ADGRV1: variants seen among roughly 807,000 people sequenced by gnomAD.
The protein encoded by ADGRV1 is G-protein coupled receptor 98.
ADGRV1 carries 359 observed loss-of-function variants against 596.2 expected under a neutral mutation model. That is an observed-to-expected ratio of 0.60 (90% CI 0.55 to 0.66). The LOEUF is 0.66. Ranked by LOEUF, ADGRV1 falls within the 30% of genes least tolerant of loss-of-function variation. The probability of loss-of-function intolerance (pLI) is 0.00; values close to 1 mark genes in which losing one functional copy is unlikely to be tolerated. For synonymous variants in ADGRV1, 2,681 were observed against 2,679.2 expected, an observed-to-expected ratio of 1.00 and a Z score of -0.02; for missense variants, 7,274 against 7,575.6, an observed-to-expected ratio of 0.96 and a Z score of 1.48.
intron 79 of ADGRV1, among the ~76,000 whole-genome samples, chr5:90,850,210 C>T (rs1333185530): frequency 6.6e-6 from 1 of 152,140 alleles, no homozygotes; most frequent in African/African-American, 2.4e-5. Flanking sequence ...ATACTTTCAT[C>T]CCAGATCAGT....
intron 87 of ADGRV1, among the ~76,000 whole-genome samples, chr5:91,117,567 G>A (rs946885181): frequency 3.3e-5 from 5 of 152,112 alleles, no homozygotes; most frequent in African/African-American, 4.8e-5. Context: ...CATATGAGCA[G>A]GGATTCTATA....
At chr5:91,093,455 C>A (rs919398638) in intron 86 of ADGRV1, among the ~76,000 whole-genome samples, 3 of 152,350 alleles carry the variant, frequency 2.0e-5, no homozygotes, top group Middle Eastern at 6.8e-3. Context: ...CAGTAAAAAG[C>A]AGGGTCATAT....
chr5:90,725,610 A>G lies in ADGRV1; in HGVS notation c.10115A>G (p.Asp3372Gly). 1 of 1,591,076 alleles carries G rather than the reference A, an allele frequency of 6.3e-7. No individual in the cohort carries two copies. Among genetic ancestry groups the G allele is most frequent in the Non-Finnish European group, 8.6e-7 (1 of 1,159,900 alleles). Residue 3372 changes from aspartate (D) to glycine (G), a missense_variant, in exon 48 of 90, where the codon GAT (aspartate) becomes GGT (glycine). Coordinates refer to ENST00000405460, the MANE Select transcript of ADGRV1 (RefSeq NM_032119.4). ...QVRYFTSDSQ[D>G]YLIIASQRDD... The stretch of plus-strand genomic sequence containing the variant: ...AGATATTTTACTTCAGACAGCCAAG[A>G]TTATTTAATCATTGCAAGTCAAAGA...
chr5:90,891,639 T>C (rs1441313787), intron 83 of ADGRV1, among the ~76,000 whole-genome samples: 1 of 152,048 alleles, frequency 6.6e-6, no homozygotes, highest in East Asian at 1.9e-4. Flanking sequence ...ATATTTAAAA[T>C]GTTTTACTAC....
In ADGRV1 at chr5:90,985,518, G is replaced by T. The variant is rs1293894508; in HGVS notation, c.18148G>T (p.Asp6050Tyr). 6.2e-7 allele frequency: 1 copy of T among 1,612,746 alleles called. No individual in the cohort carries two copies. Among genetic ancestry groups the T allele is most frequent in the African/African-American group, 1.3e-5 (1 of 74,996 alleles). The change falls in exon 85 of 90, where the codon GAC becomes TAC. Residue 6050 changes from aspartate to tyrosine, a missense_variant. Asp to Tyr is a radical substitution (Grantham distance 160, BLOSUM62 -3). Transcript: ENST00000405460. ...ACAGATCTATGGACTCATTCATGGT[G>T]ACCTGTAAGTACACCCAGGCAACAC... ...MSQIYGLIHG[D>Y]LCFIPNVYAA...
chr5:91,069,395 C>T (rs996355221), intron 85 of ADGRV1, among the ~76,000 whole-genome samples: 1 of 152,060 alleles, frequency 6.6e-6, no homozygotes. Flanking sequence ...GTATGAGGAA[C>T]GTATACAATT....
intron 50 of ADGRV1, among the ~76,000 whole-genome samples, chr5:90,732,944 G>A (rs1752741608): frequency 6.6e-6 from 1 of 152,226 alleles, no homozygotes; most frequent in Admixed American, 6.5e-5. Flanking sequence ...CAGCAGTAGT[G>A]AGATAGAGAA....
intron 83 of ADGRV1, among the ~76,000 whole-genome samples, chr5:90,877,109 A>C (rs1027485110): frequency 6.6e-6 from 1 of 152,222 alleles, no homozygotes; most frequent in African/African-American, 2.4e-5. Context: ...TATAGCAATA[A>C]AAATGCTTAG....
chr5:90,955,443 A>G (rs1202724007), intron 83 of ADGRV1, among the ~76,000 whole-genome samples: 2 of 152,168 alleles, frequency 1.3e-5, no homozygotes, highest in Non-Finnish European at 2.9e-5. Flanking sequence ...CAAACATCCC[A>G]GGCCTTCTCA....
At chr5:90,938,171 C>A (rs896489155) in intron 83 of ADGRV1, among the ~76,000 whole-genome samples, 1 of 152,006 alleles carries the variant, frequency 6.6e-6, no homozygotes, top group African/African-American at 2.4e-5. Flanking sequence ...CTGAGAGTCC[C>A]AAACAGCCTG....
At chr5:91,001,801 G>A (rs1455398697) in intron 85 of ADGRV1, among the ~76,000 whole-genome samples, 3 of 151,782 alleles carry the variant, frequency 2.0e-5, no homozygotes, top group Admixed American at 2.0e-4. Context: ...TTTTTTTCCT[G>A]AATATCAATT....
At chr5:91,068,716 A>G (rs1240531170) in intron 85 of ADGRV1, among the ~76,000 whole-genome samples, 2 of 152,136 alleles carry the variant, frequency 1.3e-5, no homozygotes, top group African/African-American at 4.8e-5. Context: ...TACCCAAAGC[A>G]ATCTACAGAG....
chr5:90,755,220 A>AGAGGAAAATTCTCTT lies in ADGRV1; in HGVS notation c.11580+36_11580+50dup. 3 of 1,415,912 alleles carry AGAGGAAAATTCTCTT rather than the reference A, an allele frequency of 2.1e-6. No individual in the cohort carries two copies. The Admixed American group carries it at 6.2e-5, about 29-fold the overall frequency. The allele number at this position is 1,415,912 out of a possible 1,614,324, so 87.7% of individuals were successfully genotyped here. On this transcript the variant is annotated intron_variant, in intron 55 of 89. Transcript: ENST00000405460. ...GGCTGCAAAGAATGTGATCTAAAATAGAGGAAAATTCTCTTAAGTAAAATT... is the reference window on the plus strand; with the variant it reads ...GGCTGCAAAGAATGTGATCTAAAATAGAGGAAAATTCTCTTGAGGAAAATTCTCTTAAGTAAAATT...
intron 85 of ADGRV1, among the ~76,000 whole-genome samples, chr5:91,027,852 A>G (rs1195159335): frequency 6.6e-6 from 1 of 152,144 alleles, no homozygotes; most frequent in Non-Finnish European, 1.5e-5. Flanking sequence ...TTGGTAGTAT[A>G]AATACTGAAT....
chr5:91,034,867 C>T (rs986717262), intron 85 of ADGRV1, among the ~76,000 whole-genome samples: 1 of 152,118 alleles, frequency 6.6e-6, no homozygotes, highest in Non-Finnish European at 1.5e-5. Context: ...CGCACTGCAG[C>T]CTCAAACTCC....
intron 85 of ADGRV1, among the ~76,000 whole-genome samples, chr5:91,064,154 A>G (rs1787685470): frequency 6.6e-6 from 1 of 152,220 alleles, no homozygotes; most frequent in South Asian, 2.1e-4. Flanking sequence ...AGTTAAATCA[A>G]TAAGCATTTC....
At chr5:90,773,581 T>G (rs1213116458) in intron 59 of ADGRV1, among the ~76,000 whole-genome samples, 1 of 152,136 alleles carries the variant, frequency 6.6e-6, no homozygotes, top group South Asian at 2.1e-4. Context: ...AACAAAATCT[T>G]AAAGGTGAAG....
chr5:90,772,291 A>C (rs1581073575), intron 59 of ADGRV1, among the ~76,000 whole-genome samples: 1 of 152,110 alleles, frequency 6.6e-6, no homozygotes, highest in African/African-American at 2.4e-5. Flanking sequence ...GATTCACCTG[A>C]TTTGTGCATT....
chr5:90,688,287 A>T (rs894761503), intron 29 of ADGRV1, among the ~76,000 whole-genome samples: 3 of 152,194 alleles, frequency 2.0e-5, no homozygotes, highest in African/African-American at 7.2e-5. Context: ...GAAAAACAGC[A>T]ATGGGGAAAG....
Sources: allele counts gnomAD v4.1 joint callset (sites outside exome capture counted in the v4.1 genomes callset), GRCh38; gene constraint gnomAD v4.1.1; transcripts MANE v1.5; gene names NCBI Gene and HGNC (gene_info 2026-07-23, HGNC 2026-07-21).